Variants in MIPEP observed in about 807,000 individuals in gnomAD.
MIPEP encodes the protein mitochondrial intermediate peptidase.
MIPEP carries 79 observed loss-of-function variants against 90.3 expected under a neutral mutation model. The ratio of observed to expected loss-of-function variants is 0.87; its 90% CI spans 0.73 to 1.05. The LOEUF is 1.05. Ranked by LOEUF, MIPEP falls within the 50% of genes least tolerant of loss-of-function variation. The pLI, the probability that MIPEP is intolerant of heterozygous loss-of-function variation, is 0.00. For missense variants in MIPEP, 940 were observed against 905.6 expected (o/e 1.04, Z -0.49); for synonymous variants, 334 against 315.8 (o/e 1.06, Z -0.61).
intron 14 of MIPEP, among the ~76,000 whole-genome samples, chr13:23,821,464 C>T (rs1456987843): frequency 2.6e-5 from 4 of 152,080 alleles, no homozygotes; most frequent in East Asian, 1.9e-4. Context: ...CCTGTGCTTA[C>T]GAAATGGGCT....
chr13:23,826,251 C>T (rs1272341403), intron 14 of MIPEP, among the ~76,000 whole-genome samples: 3 of 152,044 alleles, frequency 2.0e-5, no homozygotes, highest in African/African-American at 7.2e-5. Context: ...TGGTAGAAGA[C>T]TTATACCTCT....
At chr13:23,847,921 T>C (rs1869619748) in intron 10 of MIPEP, among the ~76,000 whole-genome samples, 1 of 152,234 alleles carries the variant, frequency 6.6e-6, no homozygotes, top group Non-Finnish European at 1.5e-5. Flanking sequence ...AGAATCTCCT[T>C]ATTCCTTACA....
intron 16 of MIPEP, among the ~76,000 whole-genome samples, chr13:23,786,769 A>G (rs945651205): frequency 2.0e-5 from 3 of 152,198 alleles, no homozygotes; most frequent in African/African-American, 4.8e-5. Flanking sequence ...GTCAAAAGAA[A>G]ACTACCTAAT....
intron 10 of MIPEP, among the ~76,000 whole-genome samples, chr13:23,847,426 C>A (rs1159597279): frequency 6.9e-6 from 1 of 145,384 alleles, no homozygotes; most frequent in Non-Finnish European, 1.5e-5. Context: ...TGGTAAGCGC[C>A]GTCAAAAACT....
chr13:23,787,067 G>T (rs1952850497), intron 16 of MIPEP, among the ~76,000 whole-genome samples: 1 of 152,270 alleles, frequency 6.6e-6, no homozygotes, highest in East Asian at 1.9e-4. Flanking sequence ...TGACACGCAG[G>T]TAAGTGGCAA....
intron 16 of MIPEP, among the ~76,000 whole-genome samples, chr13:23,767,955 T>C (rs1316970245): frequency 6.6e-6 from 1 of 152,214 alleles, no homozygotes; most frequent in Non-Finnish European, 1.5e-5. Flanking sequence ...GCTGTGGCAG[T>C]GACTGCATTT....
chr13:23,796,052 A>G (rs1952956224), intron 16 of MIPEP, among the ~76,000 whole-genome samples: 1 of 152,108 alleles, frequency 6.6e-6, no homozygotes, highest in African/African-American at 2.4e-5. Context: ...CTATCTTCAT[A>G]TATTATATAT....
chr13:23,876,498 C>T (rs2137529136), intron 4 of MIPEP, among the ~76,000 whole-genome samples: 1 of 152,278 alleles, frequency 6.6e-6, no homozygotes, highest in East Asian at 1.9e-4. Context: ...CTGTGGCACA[C>T]TGCTATCAAT....
intron 4 of MIPEP, among the ~76,000 whole-genome samples, chr13:23,875,699 G>A (rs1208240725): frequency 6.6e-6 from 1 of 151,962 alleles, no homozygotes; most frequent in African/African-American, 2.4e-5. Flanking sequence ...TATAGTGTAC[G>A]TTTATCGTAT....
intron 16 of MIPEP, among the ~76,000 whole-genome samples, chr13:23,765,392 A>AAC (rs1382850073): frequency 6.6e-6 from 1 of 152,210 alleles, no homozygotes; most frequent in East Asian, 1.9e-4. Context: ...TAAAACTTTT[A>AAC]TTACAGTACA....
At chr13:23,778,669 T>C (rs1296414281) in intron 16 of MIPEP, among the ~76,000 whole-genome samples, 7 of 151,912 alleles carry the variant, frequency 4.6e-5, no homozygotes, top group Non-Finnish European at 8.8e-5. Context: ...TTACCCGTTT[T>C]TTTCAATTCC....
In MIPEP at chr13:23,774,682, T is replaced by A. The variant is rs751198331; in HGVS notation, c.1849-14465A>T. ...AGATGCTATTGTAAATAGAACGGTC[T>A]TCTTAATTTAATTTTTAGGTTGTTT... On this transcript the variant is annotated intron_variant, in intron 16 of 18. Coordinates refer to ENST00000382172, the MANE Select transcript of MIPEP (RefSeq NM_005932.4). Among the ~76,000 whole-genome samples the A allele has an allele frequency of 9.7e-3, 1,469 of 152,214 alleles. 6 individuals carry two copies. Among genetic ancestry groups the A allele is most frequent in the Middle Eastern group, 0.027 (8 of 294 alleles).
chr13:23,743,380 T>C (rs1197626443), intron 18 of MIPEP, among the ~76,000 whole-genome samples: 2 of 152,240 alleles, frequency 1.3e-5, no homozygotes, highest in Non-Finnish European at 2.9e-5. Context: ...TTTGAAGTTT[T>C]TCTCTGCTAC....
chr13:23,738,884 GA>G (rs1270936610), intron 18 of MIPEP, among the ~76,000 whole-genome samples: 2 of 152,274 alleles, frequency 1.3e-5, no homozygotes, highest in African/African-American at 4.8e-5. Context: ...AGAACCTGGG[GA>G]TAGGCCCAGT....
At chr13:23,820,389 C>A (rs1043755848) in intron 14 of MIPEP, among the ~76,000 whole-genome samples, 3 of 152,184 alleles carry the variant, frequency 2.0e-5, no homozygotes, top group Middle Eastern at 3.2e-3. Context: ...TAATGCTACA[C>A]CCATTTTCCA....
chr13:23,747,605 A>T (rs976631352), intron 18 of MIPEP: 3 of 482,834 alleles, frequency 6.2e-6, no homozygotes, highest in South Asian at 1.5e-5. Flanking sequence ...ATGGCTATAT[A>T]TTTTTTTTCT....
Position 23,749,436 on chromosome 13 carries a change from A to C in MIPEP, c.2044+7109T>G, listed in dbSNP as rs570673747. On this transcript the variant is annotated intron_variant, in intron 18 of 18. Coordinates refer to ENST00000382172, the MANE Select transcript of MIPEP (RefSeq NM_005932.4). ...CATCAAACTTTCAAGTGGACTAAAT[A>C]TTTTGGGTCAATTTGAATAAACGTG... is the stretch of plus-strand genomic sequence containing the variant. 5.9e-5 allele frequency among the ~76,000 whole-genome samples: 9 copies of C among 152,350 alleles called. No individual in the cohort carries two copies. The South Asian group carries it at 1.0e-3, about 18-fold the overall frequency.
intron 14 of MIPEP, among the ~76,000 whole-genome samples, chr13:23,820,182 G>A (rs1022730981): frequency 5.9e-5 from 9 of 152,180 alleles, no homozygotes; most frequent in Admixed American, 2.0e-4. Context: ...GTTGAGTGAA[G>A]TTACTTGGCC....
intron 16 of MIPEP, among the ~76,000 whole-genome samples, chr13:23,798,034 T>TA (rs1173189772): frequency 6.6e-6 from 1 of 152,256 alleles, no homozygotes; most frequent in African/African-American, 2.4e-5. Flanking sequence ...TATTTACTGT[T>TA]ACATCCATTG....
Sources: gnomAD v4.1 joint callset for allele counts (sites outside exome capture counted in the v4.1 genomes callset) on GRCh38, gnomAD v4.1.1 for gene constraint, MANE v1.5 for transcripts, NCBI Gene and HGNC (gene_info 2026-07-23, HGNC 2026-07-21) for gene names.